FAM227B: variants seen among roughly 807,000 people sequenced by gnomAD.
FAM227B encodes the protein family with sequence similarity 227 member B, also known as protein FAM227B.
Under a neutral mutation model 73.8 loss-of-function variants are expected in FAM227B, and 88 were observed. The ratio of observed to expected loss-of-function variants is 1.19; its 90% CI spans 1.00 to 1.42. The LOEUF is 1.42. FAM227B is among the 40% of genes most tolerant of loss of function. FAM227B has a pLI of 0.00. For synonymous variants in FAM227B, 210 were observed against 190.5 expected (o/e 1.10, Z -0.84); for missense variants, 632 against 590.9 (o/e 1.07, Z -0.72).
chr15:49,366,639 A>T, intron 13 of FAM227B: 4 of 1,578,646 alleles, frequency 2.5e-6, no homozygotes, highest in Non-Finnish European at 8.7e-7. Flanking sequence ...AGGAAGCCCC[A>T]GAGCAGGGCG....
Position 49,550,183 on chromosome 15 carries a change from A to C in FAM227B, c.748-8377T>G, listed in dbSNP as rs1308134465. Reference sequence around the variant, plus strand: ...GCTGATCCCCCCACCTCCCTCCTGGACGGGGTGGCTGGCCGGGCGGGGGGC... The same window carrying C: ...GCTGATCCCCCCACCTCCCTCCTGGCCGGGGTGGCTGGCCGGGCGGGGGGC... On this transcript the variant is annotated intron_variant, in intron 9 of 15. Transcript: ENST00000299338. 4.4e-3 allele frequency among the ~76,000 whole-genome samples: 589 copies of C among 132,664 alleles called. 8 individuals carry two copies. The highest frequency in any genetic ancestry group is 0.016 in the African/African-American group (560 of 34,602). 87.0% of individuals were successfully genotyped at this position (132,664 alleles called of 152,430 possible). A position where few individuals can be genotyped will look rare whatever the true frequency, so the allele number is the denominator to read the frequency against.
intron 9 of FAM227B, among the ~76,000 whole-genome samples, chr15:49,547,673 A>G (rs560637999): frequency 6.6e-6 from 1 of 152,350 alleles, no homozygotes; most frequent in South Asian, 2.1e-4. Context: ...AGGAGTAGCT[A>G]TTCTTGTATC....
At chr15:49,421,023 C>T (rs1162725110) in intron 11 of FAM227B, among the ~76,000 whole-genome samples, 4 of 151,970 alleles carry the variant, frequency 2.6e-5, no homozygotes, top group Non-Finnish European at 5.9e-5. Context: ...TCTTTGAAGC[C>T]AGCAATGGTG....
intron 12 of FAM227B, 28 bp from the exon 13 acceptor site, chr15:49,367,636 A>G: frequency 6.5e-7 from 1 of 1,529,126 alleles, no homozygotes; most frequent in Non-Finnish European, 8.7e-7. Context: ...TAATCAAGAC[A>G]ACGATTACTT....
intron 9 of FAM227B, among the ~76,000 whole-genome samples, chr15:49,567,761 A>G (rs1006425140): frequency 2.6e-5 from 4 of 152,098 alleles, no homozygotes; most frequent in African/African-American, 9.7e-5. Context: ...ACTTATTTGA[A>G]TCAATCCTAT....
At chr15:49,619,867 A>T (rs74012440) in intron 1 of FAM227B, among the ~76,000 whole-genome samples, 4,681 of 152,322 alleles carry the variant, frequency 0.031, 264 homozygotes, top group African/African-American at 0.11. Flanking sequence ...TTTGAAATAC[A>T]GTAAGAAATA....
chr15:49,495,706 A>C (rs72729125), intron 11 of FAM227B, among the ~76,000 whole-genome samples: 8,311 of 152,208 alleles, frequency 0.055, 326 homozygotes, highest in East Asian at 0.12. Flanking sequence ...CTAATAGTGA[A>C]GAGGTAGCAA....
At chr15:49,600,563 G>T (rs1222553596) in intron 3 of FAM227B, among the ~76,000 whole-genome samples, 5 of 150,400 alleles carry the variant, frequency 3.3e-5, no homozygotes, top group Non-Finnish European at 5.9e-5. Context: ...CTGAGGCAGG[G>T]AGAATCTCTT....
chr15:49,492,305 C>A (rs993106674), intron 11 of FAM227B, among the ~76,000 whole-genome samples: 3 of 151,834 alleles, frequency 2.0e-5, no homozygotes, highest in Admixed American at 6.6e-5. Context: ...TGAAGTACTT[C>A]ATCCCTTATC....
intron 10 of FAM227B, among the ~76,000 whole-genome samples, chr15:49,515,099 A>G (rs887945653): frequency 6.6e-6 from 1 of 152,040 alleles, no homozygotes; most frequent in Non-Finnish European, 1.5e-5. Flanking sequence ...TAGGGATTCC[A>G]ATTACATATA....
intron 10 of FAM227B, among the ~76,000 whole-genome samples, chr15:49,510,924 T>A (rs1174777973): frequency 6.6e-6 from 1 of 152,050 alleles, no homozygotes; most frequent in African/African-American, 2.4e-5. Context: ...AGAGGGATGA[T>A]ACAATTCTGT....
At chr15:49,487,463 C>T (rs2056494651) in intron 11 of FAM227B, 1 of 151,694 alleles carries the variant, frequency 6.6e-6, no homozygotes, top group Non-Finnish European at 1.5e-5. Flanking sequence ...AATTGTCAGC[C>T]TTTGAGTTGG....
intron 13 of FAM227B, among the ~76,000 whole-genome samples, chr15:49,355,927 G>A (rs879693492): frequency 1.2e-4 from 18 of 151,700 alleles, no homozygotes; most frequent in Admixed American, 1.0e-3. Flanking sequence ...GAGAGTGGGG[G>A]CCAATATTCA....
intron 13 of FAM227B, among the ~76,000 whole-genome samples, chr15:49,360,957 T>G (rs1458926167): frequency 1.3e-5 from 2 of 152,110 alleles, no homozygotes; most frequent in African/African-American, 4.8e-5. Flanking sequence ...ACATAGACAA[T>G]AATGTCATCC....
intron 8 of FAM227B, among the ~76,000 whole-genome samples, chr15:49,573,680 C>A (rs1275791120): frequency 6.6e-6 from 1 of 152,180 alleles, no homozygotes; most frequent in Non-Finnish European, 1.5e-5. Flanking sequence ...GACTTCCCAG[C>A]CTACTGTGAG....
intron 9 of FAM227B, among the ~76,000 whole-genome samples, chr15:49,567,344 C>T (rs2074740893): frequency 6.6e-6 from 1 of 152,130 alleles, no homozygotes; most frequent in Admixed American, 6.5e-5. Context: ...CAGCTGTCAA[C>T]CTGAGAGGCT....
At chr15:49,446,692 A>G (rs1315904235) in intron 11 of FAM227B, among the ~76,000 whole-genome samples, 1 of 151,608 alleles carries the variant, frequency 6.6e-6, no homozygotes, top group Non-Finnish European at 1.5e-5. Flanking sequence ...GCTGGAGAAT[A>G]TGATGCAAAG....
chr15:49,382,046 A>G (rs898163827), intron 11 of FAM227B, among the ~76,000 whole-genome samples: 2 of 152,102 alleles, frequency 1.3e-5, no homozygotes, highest in African/African-American at 4.8e-5. Context: ...TTATGAAGGT[A>G]TAAGTTCTCC....
chr15:49,579,793 T>C (rs2075697028), intron 5 of FAM227B, among the ~76,000 whole-genome samples: 1 of 152,188 alleles, frequency 6.6e-6, no homozygotes, highest in South Asian at 2.1e-4. Context: ...TATAAAAGAA[T>C]ATTTGAAATG....
Sources: allele counts gnomAD v4.1 joint callset (sites outside exome capture counted in the v4.1 genomes callset), GRCh38; gene constraint gnomAD v4.1.1; transcripts MANE v1.5; gene names NCBI Gene and HGNC (gene_info 2026-07-23, HGNC 2026-07-21).